Variants in GPR161 observed in about 807,000 individuals in gnomAD.
GPR161 encodes the protein G protein-coupled receptor 161, also known as G-protein coupled receptor RE2.
GPR161 carries 25 observed loss-of-function variants against 39.2 expected under a neutral mutation model. The ratio of observed to expected loss-of-function variants is 0.64; its 90% confidence interval spans 0.47 to 0.89. The LOEUF is 0.89. GPR161 is among the 40% of genes least tolerant of loss of function. The pLI is 0.00. For synonymous variants in GPR161, 286 were observed against 276.6 expected, an observed-to-expected ratio of 1.03 and a Z score of -0.34; for missense variants, 547 against 677.8, an observed-to-expected ratio of 0.81 and a Z score of 2.14.
At chr1:168,137,572 T>C (rs1699477871), upstream of GPR161, 4 of 629,828 alleles carry the variant, frequency 6.4e-6, no homozygotes, top group Non-Finnish European at 1.1e-5. Context: ...CAGGGAGCAG[T>C]CATCACAAAA....
chr1:168,089,732 G>GCGAC (rs1261520044), intron 4 of GPR161, among the ~76,000 whole-genome samples: 3 of 104,580 alleles, frequency 2.9e-5, no homozygotes, highest in African/African-American at 1.5e-4. Context: ...AGCCATGAGT[G>GCGAC]TGACTCCCTG....
chr1:168,093,799 G>A (rs1394149679), intron 3 of GPR161, among the ~76,000 whole-genome samples: 1 of 152,236 alleles, frequency 6.6e-6, no homozygotes, highest in Non-Finnish European at 1.5e-5. Context: ...GCTCTCTCCT[G>A]CAGTCAGAAA....
At chr1:168,088,277 CAGAGGGAAG>C (rs1380280509) in intron 4 of GPR161, 1 of 152,838 alleles carries the variant, frequency 6.5e-6, no homozygotes, top group Non-Finnish European at 1.5e-5. Context: ...GGGAATGGGG[CAGAGGGAAG>C]GGAGGGAAGG....
chr1:168,137,254 C>T, upstream of GPR161: 2 of 1,488,128 alleles, frequency 1.3e-6, no homozygotes, highest in African/African-American at 1.4e-5. Flanking sequence ...CCAGTTCCAG[C>T]CGCTGGGACG....
At chr1:168,111,664 G>C (rs1458540206) in intron 1 of GPR161, among the ~76,000 whole-genome samples, 1 of 152,170 alleles carries the variant, frequency 6.6e-6, no homozygotes, top group Non-Finnish European at 1.5e-5. Flanking sequence ...TTTTTGTTAT[G>C]TGAAGTAATA....
chr1:168,136,369 T>C, intron 1 of GPR161: 1 of 1,451,500 alleles, frequency 6.9e-7, no homozygotes, highest in South Asian at 1.4e-5. Context: ...ATCGGCAGAG[T>C]CCCGGGCACG....
In GPR161 at chr1:168,085,155, G is replaced by A; in HGVS notation, c.*376C>T. 1 of 448,622 alleles carries A rather than the reference G, an allele frequency of 2.2e-6. No individual in the cohort carries two copies. The highest frequency in any genetic ancestry group is 4.4e-6 in the Non-Finnish European group (1 of 226,416). 27.8% of individuals were successfully genotyped at this position (448,622 alleles called of 1,614,324 possible). On this transcript the variant is annotated 3_prime_UTR_variant, in exon 6 of 6. Transcript: ENST00000682931. ...TGCACGGCTGGACTCCCAGCACACT[G>A]TGAAGAGGAGGAAATGATGCATGTG...
rs1572237173 is a variant in GPR161, at chr1:168,087,578, A to G, written c.1324+7T>C. ...TTTTCTTGAAGCAATCAGTCACAGAAGCCAACCTTTGATTTGTTCCACTTC... is the reference window on the plus strand; with the variant it reads ...TTTTCTTGAAGCAATCAGTCACAGAGGCCAACCTTTGATTTGTTCCACTTC... On this transcript the variant is annotated splice_region_variant and intron_variant, in intron 5 of 5. Transcript: ENST00000682931. 6 of 1,614,086 alleles carry G rather than the reference A, an allele frequency of 3.7e-6. No individual in the cohort carries two copies. The highest frequency in any genetic ancestry group is 5.1e-6 in the Non-Finnish European group (6 of 1,179,970).
At chr1:168,117,845 C>T (rs1170814154) in intron 1 of GPR161, among the ~76,000 whole-genome samples, 1 of 152,198 alleles carries the variant, frequency 6.6e-6, no homozygotes, top group Non-Finnish European at 1.5e-5. Context: ...TCTGCTGCAG[C>T]CAGCTGTGCC....
chr1:168,116,624 C>T (rs181725339), intron 1 of GPR161, among the ~76,000 whole-genome samples: 7 of 152,318 alleles, frequency 4.6e-5, no homozygotes, highest in Non-Finnish European at 1.0e-4. Context: ...GGTGTCCACA[C>T]CTATGTGTAA....
intron 1 of GPR161, among the ~76,000 whole-genome samples, chr1:168,113,672 T>C (rs1697401759): frequency 6.6e-6 from 1 of 152,242 alleles, no homozygotes; most frequent in Admixed American, 6.5e-5. Context: ...AACGAGATCA[T>C]ACTCTTTGTA....
chr1:168,101,719 G>A (rs1178210384), intron 2 of GPR161, among the ~76,000 whole-genome samples: 1 of 152,230 alleles, frequency 6.6e-6, no homozygotes, highest in Non-Finnish European at 1.5e-5. Context: ...ACATAGTGCA[G>A]TGCCTGGAAT....
intron 1 of GPR161, among the ~76,000 whole-genome samples, chr1:168,110,607 A>T (rs1697085714): frequency 6.6e-6 from 1 of 150,530 alleles, no homozygotes; most frequent in African/African-American, 2.5e-5. Flanking sequence ...GAGACAATAA[A>T]ACCAATACAA....
chr1:168,106,184 C>A (rs1696607125), intron 1 of GPR161, among the ~76,000 whole-genome samples: 1 of 152,196 alleles, frequency 6.6e-6, no homozygotes, highest in Admixed American at 6.5e-5. Flanking sequence ...TTTGCGGTCC[C>A]CAAAATTGAA....
chr1:168,079,773 C>A lies in GPR161; in HGVS notation c.*5758G>T, dbSNP rs947678155. Reference sequence around the variant, plus strand: ...TCTATTATGAGAACACAACACAGTCCTCTGTCCCTTAAGCATGCAGGTTCC... The same window carrying A: ...TCTATTATGAGAACACAACACAGTCATCTGTCCCTTAAGCATGCAGGTTCC... On this transcript the variant is annotated 3_prime_UTR_variant, in exon 6 of 6. Coordinates refer to ENST00000682931, the MANE Select transcript of GPR161 (RefSeq NM_001375883.1). The A allele has an allele frequency of 2.4e-4, 37 of 152,104 alleles. No individual in the cohort carries two copies. Among genetic ancestry groups the A allele is most frequent in the African/African-American group, 8.7e-4 (36 of 41,416 alleles). The allele number at this position is 152,104 out of a possible 1,614,324, so 9.4% of individuals were successfully genotyped here.
intron 5 of GPR161, among the ~76,000 whole-genome samples, chr1:168,087,362 G>GT (rs1694623740): frequency 6.8e-6 from 1 of 147,816 alleles, no homozygotes. Flanking sequence ...TGTGTGTGGA[G>GT]TTTGACAGCC....
rs901289021 is a variant in GPR161 at position 168,085,005 on chromosome 1, G to A, written c.*526C>T. ...TCTGCGGACCAGTCCTAGAACTGAG[G>A]GTCCCACACTGCCCGCATCAACCAT... is the stretch of plus-strand genomic sequence containing the variant. On this transcript the variant is annotated 3_prime_UTR_variant, in exon 6 of 6. Coordinates refer to ENST00000682931, the MANE Select transcript of GPR161 (RefSeq NM_001375883.1). The A allele has an allele frequency of 4.8e-5, 22 of 456,236 alleles. No individual in the cohort carries two copies. Among genetic ancestry groups the A allele is most frequent in the African/African-American group, 8.0e-5 (4 of 50,078 alleles). 28.3% of individuals were successfully genotyped at this position (456,236 alleles called of 1,614,324 possible).
chr1:168,122,155 T>G (rs1698226787), intron 1 of GPR161, among the ~76,000 whole-genome samples: 1 of 152,194 alleles, frequency 6.6e-6, no homozygotes, highest in African/African-American at 2.4e-5. Flanking sequence ...CCTCTCAAGC[T>G]GCTCTTCCTG....
Position 168,136,920 on chromosome 1 carries a change from G to C in GPR161, c.-226C>G, listed in dbSNP as rs565188073. On this transcript the variant is annotated 5_prime_UTR_variant, in exon 1 of 6. Coordinates refer to ENST00000682931, the MANE Select transcript of GPR161 (RefSeq NM_001375883.1). ...CACCAGCACGCGGACCCGGGCGGGCGCAGGCCAAGTAACTTTGCGGCGCCC... is the reference window on the plus strand; with the variant it reads ...CACCAGCACGCGGACCCGGGCGGGCCCAGGCCAAGTAACTTTGCGGCGCCC... 8.2e-6 allele frequency: 8 copies of C among 977,902 alleles called. No homozygotes were observed. In the African/African-American group the frequency reaches 1.3e-4, roughly 15 times the overall value. The allele number at this position is 977,902 out of a possible 1,614,324, so 60.6% of individuals were successfully genotyped here.
Sources: allele counts gnomAD v4.1 joint callset (sites outside exome capture counted in the v4.1 genomes callset), GRCh38; gene constraint gnomAD v4.1.1; transcripts MANE v1.5; gene names NCBI Gene and HGNC (gene_info 2026-07-23, HGNC 2026-07-21).